ANK1: variants seen among roughly 807,000 people sequenced by gnomAD.
ANK1 encodes ankyrin-1.
In ANK1, 51 loss-of-function variants were observed where a neutral mutation model predicts 210.4. The ratio of observed to expected loss-of-function variants is 0.24; its 90% CI spans 0.19 to 0.31. The LOEUF (loss-of-function observed/expected upper bound fraction) is 0.31, where lower values mean the gene tolerates loss of function less well. ANK1 is among the 10% of genes least tolerant of loss of function. ANK1 has a pLI of 1.00. For synonymous variants in ANK1, 967 were observed against 1,025.9 expected (o/e 0.94, Z 1.10); for missense variants, 2,051 against 2,504.4 (o/e 0.82, Z 3.86).
intron 1 of ANK1, chr8:41,828,931 G>A (rs921163070): frequency 2.0e-5 from 3 of 152,256 alleles, no homozygotes; most frequent in African/African-American, 7.2e-5. Context: ...GCCCTCCTCG[G>A]GGCCCATTCG....
chr8:41,834,403 G>A lies in ANK1; in HGVS notation c.126+61952C>T, dbSNP rs565225760. On this transcript the variant is annotated intron_variant, in intron 1 of 42. Transcript: ENST00000265709. The stretch of plus-strand genomic sequence containing the variant: ...CTGGCTAGGAGCAGGCAAATGACGC[G>A]GCGCCCATGTCGGAGGCAGCACTGG... Among the ~76,000 whole-genome samples the A allele has an allele frequency of 7.9e-5, 12 of 152,360 alleles. No homozygotes were observed. In the East Asian group the frequency reaches 1.2e-3, roughly 15 times the overall value.
intron 1 of ANK1, among the ~76,000 whole-genome samples, chr8:41,860,671 C>T (rs1163228828): frequency 2.0e-5 from 3 of 152,196 alleles, no homozygotes; most frequent in Non-Finnish European, 4.4e-5. Context: ...CTGAATTTGC[C>T]TTCCAACAAG....
At chr8:41,703,446 A>ATTTTTT (rs1465782716) in intron 20 of ANK1, among the ~76,000 whole-genome samples, 9 of 61,568 alleles carry the variant, frequency 1.5e-4, no homozygotes, top group African/African-American at 5.9e-4. Context: ...ATATATATAT[A>ATTTTTT]TATATTTTTT....
chr8:41,820,396 A>G (rs1014262680), intron 1 of ANK1, among the ~76,000 whole-genome samples: 1 of 149,690 alleles, frequency 6.7e-6, no homozygotes, highest in Non-Finnish European at 1.5e-5. Context: ...TGGTCTCCCT[A>G]TGCTGCTTAG....
chr8:41,859,603 G>A (rs552535658), intron 1 of ANK1, among the ~76,000 whole-genome samples: 488 of 152,370 alleles, frequency 3.2e-3, no homozygotes, highest in Non-Finnish European at 5.4e-3. Context: ...GCATCCCAAA[G>A]TGCTGAGATT....
At chr8:41,850,097 T>C in intron 1 of ANK1, among the ~76,000 whole-genome samples, 1 of 152,148 alleles carries the variant, frequency 6.6e-6, no homozygotes, top group Non-Finnish European at 1.5e-5. Flanking sequence ...CTCAGCACGC[T>C]TCGTGAAGTC....
At chr8:41,859,960 G>A (rs572188917) in intron 1 of ANK1, among the ~76,000 whole-genome samples, 1 of 148,942 alleles carries the variant, frequency 6.7e-6, no homozygotes, top group African/African-American at 2.5e-5. Context: ...TGCCACCAAG[G>A]GCTTGATCTC....
chr8:41,724,699 G>T (rs1249358596), intron 6 of ANK1, 145 bp from the exon 7 acceptor site: 1 of 765,966 alleles, frequency 1.3e-6, no homozygotes, highest in Non-Finnish European at 2.2e-6. Context: ...TTGGTGAGGG[G>T]GTCAAGAGAG....
chr8:41,852,298 C>A (rs1587424327), intron 1 of ANK1, among the ~76,000 whole-genome samples: 1 of 152,204 alleles, frequency 6.6e-6, no homozygotes, highest in African/African-American at 2.4e-5. Context: ...CTGGCCCGCC[C>A]TAAGACGTGG....
At chr8:41,867,851 T>C (rs1445603435) in intron 1 of ANK1, among the ~76,000 whole-genome samples, 2 of 146,854 alleles carry the variant, frequency 1.4e-5, no homozygotes, top group African/African-American at 5.3e-5. Context: ...ATAATATTTC[T>C]AAAGCAGGTG....
chr8:41,690,395 C>T (rs1246925370), intron 32 of ANK1, 49 bp from the exon 33 acceptor site: 1 of 1,614,218 alleles, frequency 6.2e-7, no homozygotes, highest in Non-Finnish European at 8.5e-7. Flanking sequence ...TTCTAGGCCA[C>T]CCGGCTGTCT....
chr8:41,709,706 G>A (rs1304666377), intron 16 of ANK1, among the ~76,000 whole-genome samples: 1 of 152,198 alleles, frequency 6.6e-6, no homozygotes, highest in East Asian at 1.9e-4. Context: ...AGGCTGAGGT[G>A]TGAGGATCAC....
intron 1 of ANK1, chr8:41,829,967 G>C (rs1026902038): frequency 2.8e-5 from 4 of 144,784 alleles, no homozygotes; most frequent in African/African-American, 7.7e-5. Flanking sequence ...AATCTGACGT[G>C]ACAAGGCCTT....
intron 1 of ANK1, among the ~76,000 whole-genome samples, chr8:41,855,996 C>A (rs376156404): frequency 3.9e-5 from 6 of 152,262 alleles, no homozygotes; most frequent in East Asian, 3.9e-4. Flanking sequence ...CCCCTCAGCA[C>A]GGGAAATTCT....
At chr8:41,671,455 G>C (rs1045579638) in intron 38 of ANK1, among the ~76,000 whole-genome samples, 10 of 152,102 alleles carry the variant, frequency 6.6e-5, no homozygotes, top group African/African-American at 2.4e-4. Flanking sequence ...GCTGACCCAC[G>C]GTCTTCCCCA....
At chr8:41,793,082 A>C (rs1848068729) in intron 1 of ANK1, among the ~76,000 whole-genome samples, 1 of 152,216 alleles carries the variant, frequency 6.6e-6, no homozygotes, top group Admixed American at 6.5e-5. Flanking sequence ...GTTCTGAATA[A>C]GAAGTAGTCC....
At chr8:41,798,364 G>A (rs147903836), upstream of ANK1, among the ~76,000 whole-genome samples, 152 of 152,240 alleles carry the variant, frequency 1.0e-3, 2 homozygotes, top group Middle Eastern at 0.014. Context: ...AAATAACAAC[G>A]TTCCTGGGAA....
chr8:41,720,926 G>A (rs747216247), intron 9 of ANK1, among the ~76,000 whole-genome samples: 6 of 152,170 alleles, frequency 3.9e-5, no homozygotes, highest in Non-Finnish European at 7.3e-5. Flanking sequence ...GAGGAGGCTG[G>A]AGCTGCGCCA....
chr8:41,865,161 C>T (rs1372833139), intron 1 of ANK1, among the ~76,000 whole-genome samples: 1 of 152,204 alleles, frequency 6.6e-6, no homozygotes, highest in East Asian at 1.9e-4. Context: ...CCATGAGCTC[C>T]CACTGACTCA....
Sources: allele counts gnomAD v4.1 joint callset (sites outside exome capture counted in the v4.1 genomes callset), GRCh38; gene constraint gnomAD v4.1.1; transcripts MANE v1.5; gene names NCBI Gene and HGNC (gene_info 2026-07-23, HGNC 2026-07-21).